The following NDUFAF2 variants were observed in gnomAD, a reference collection of about 807,000 sequenced individuals.
NDUFAF2 encodes NADH dehydrogenase [ubiquinone] 1 alpha subcomplex assembly factor 2.
A neutral mutation model predicts 22.8 loss-of-function variants in NDUFAF2; 13 were observed. The ratio of observed to expected loss-of-function variants is 0.57; its 90% confidence interval spans 0.37 to 0.91. The LOEUF (loss-of-function observed/expected upper bound fraction) is 0.91, where lower values mean the gene tolerates loss of function less well. Ranked by LOEUF, NDUFAF2 falls within the 40% of genes least tolerant of loss-of-function variation. The pLI is 0.01. For synonymous variants in NDUFAF2, 53 were observed against 64.2 expected (o/e 0.83, Z 0.84); for missense variants, 162 against 195.2 (o/e 0.83, Z 1.01).
chr5:60,990,355 G>A (rs1414689308), intron 1 of NDUFAF2, among the ~76,000 whole-genome samples: 1 of 152,086 alleles, frequency 6.6e-6, no homozygotes, highest in Non-Finnish European at 1.5e-5. Flanking sequence ...TTATTGTGAT[G>A]TGATTGTTAC....
intron 1 of NDUFAF2, among the ~76,000 whole-genome samples, chr5:61,031,740 CA>C (rs1751730519): frequency 6.6e-6 from 1 of 152,120 alleles, no homozygotes; most frequent in South Asian, 2.1e-4. Flanking sequence ...AGTATATACA[CA>C]GTAATGGGAT....
chr5:60,994,717 G>C (rs990513403), intron 1 of NDUFAF2, among the ~76,000 whole-genome samples: 2 of 152,012 alleles, frequency 1.3e-5, no homozygotes, highest in Non-Finnish European at 2.9e-5. Flanking sequence ...TCTTGTACTT[G>C]GATACTGATA....
chr5:60,994,875 GT>G (rs1751208541), intron 1 of NDUFAF2, among the ~76,000 whole-genome samples: 1 of 151,892 alleles, frequency 6.6e-6, no homozygotes, highest in African/African-American at 2.4e-5. Flanking sequence ...ATACTTCATT[GT>G]TTTTTATTTT....
chr5:61,102,007 A>G (rs781055346), intron 3 of NDUFAF2, among the ~76,000 whole-genome samples: 44 of 152,128 alleles, frequency 2.9e-4, no homozygotes, highest in Admixed American at 2.9e-3. Flanking sequence ...TTTTTGATCC[A>G]TTAGTTTTGA....
At chr5:60,989,698 A>C (rs1433866811) in intron 1 of NDUFAF2, among the ~76,000 whole-genome samples, 1 of 152,212 alleles carries the variant, frequency 6.6e-6, no homozygotes, top group Non-Finnish European at 1.5e-5. Context: ...GCTAAGTAAC[A>C]ACGCACGTGG....
At chr5:60,958,172 G>A (rs1750641164) in intron 1 of NDUFAF2, among the ~76,000 whole-genome samples, 1 of 152,162 alleles carries the variant, frequency 6.6e-6, no homozygotes, top group Non-Finnish European at 1.5e-5. Flanking sequence ...TCATGTGACA[G>A]ATAGTTATTG....
intron 3 of NDUFAF2, among the ~76,000 whole-genome samples, chr5:61,147,622 C>T (rs1435262977): frequency 2.0e-5 from 3 of 151,334 alleles, no homozygotes; most frequent in African/African-American, 7.3e-5. Flanking sequence ...GCAGTGCAGT[C>T]CAATCCAAAT....
intron 1 of NDUFAF2, among the ~76,000 whole-genome samples, chr5:61,013,067 TA>T (rs1200585596): frequency 8.6e-5 from 13 of 151,582 alleles, no homozygotes; most frequent in Admixed American, 2.6e-4. Context: ...TACCTTGGAA[TA>T]AAAAAAAATT....
chr5:61,059,784 T>G (rs903021639), intron 1 of NDUFAF2, among the ~76,000 whole-genome samples: 2 of 152,094 alleles, frequency 1.3e-5, no homozygotes, highest in Non-Finnish European at 2.9e-5. Context: ...ATAATTGCTT[T>G]AAAAATATTA....
chr5:61,061,047 C>T (rs1752159167), intron 1 of NDUFAF2, among the ~76,000 whole-genome samples: 1 of 152,044 alleles, frequency 6.6e-6, no homozygotes, highest in Non-Finnish European at 1.5e-5. Context: ...GCCACAGGTA[C>T]CTTCAAGAGT....
intron 1 of NDUFAF2, among the ~76,000 whole-genome samples, chr5:61,072,354 G>A (rs1309268725): frequency 6.6e-6 from 1 of 152,190 alleles, no homozygotes; most frequent in Non-Finnish European, 1.5e-5. Flanking sequence ...GTTTGCCAGT[G>A]TATTAGGGAG....
chr5:61,074,552 A>G (rs1168059301), intron 2 of NDUFAF2, among the ~76,000 whole-genome samples: 1 of 151,792 alleles, frequency 6.6e-6, no homozygotes, highest in South Asian at 2.1e-4. Context: ...ACGCCACTGC[A>G]CTCCAGCCTG....
chr5:60,955,253 A>T (rs1310603831), intron 1 of NDUFAF2, among the ~76,000 whole-genome samples: 1 of 152,212 alleles, frequency 6.6e-6, no homozygotes, highest in African/African-American at 2.4e-5. Context: ...ATACAGTGTG[A>T]GATAAGCGTC....
chr5:61,105,234 A>G lies in NDUFAF2; in HGVS notation c.258+6202A>G, dbSNP rs182967940. ...CTTATAGTTTAACATTCAGAGAGGA[A>G]TCTTATTTCTGGATTTTTCAGGCCC... On this transcript the variant is annotated intron_variant, in intron 3 of 3. Coordinates refer to ENST00000296597, the MANE Select transcript of NDUFAF2 (RefSeq NM_174889.5). Among the ~76,000 whole-genome samples the G allele has an allele frequency of 3.3e-5, 5 of 151,334 alleles. No individual in the cohort carries two copies. In the East Asian group the frequency reaches 9.7e-4, roughly 29 times the overall value.
intron 1 of NDUFAF2, among the ~76,000 whole-genome samples, chr5:60,992,884 C>A (rs1751179224): frequency 1.3e-5 from 2 of 152,206 alleles, no homozygotes; most frequent in African/African-American, 4.8e-5. Context: ...GAAAAGTTGG[C>A]TGCCAGACAT....
intron 1 of NDUFAF2, among the ~76,000 whole-genome samples, chr5:61,064,766 A>G (rs561893617): frequency 4.4e-4 from 67 of 152,194 alleles, no homozygotes; most frequent in African/African-American, 1.6e-3. Flanking sequence ...ATTAATGCCT[A>G]TGTTAAAAAG....
intron 3 of NDUFAF2, among the ~76,000 whole-genome samples, chr5:61,107,046 TACACACACACAC>T (rs59521177): frequency 2.3e-4 from 29 of 124,018 alleles, no homozygotes; most frequent in South Asian, 8.2e-4. Context: ...TGGATAAATA[TACACACACACAC>T]ACACACACAC....
At chr5:61,020,008 T>TAGAGAC (rs1422668619) in intron 1 of NDUFAF2, among the ~76,000 whole-genome samples, 1 of 152,168 alleles carries the variant, frequency 6.6e-6, no homozygotes, top group Admixed American at 6.5e-5. Flanking sequence ...GCAGATTCTA[T>TAGAGAC]TTAGTTTCTC....
chr5:60,987,395 A>G (rs1240719769), intron 1 of NDUFAF2, among the ~76,000 whole-genome samples: 1 of 152,222 alleles, frequency 6.6e-6, no homozygotes, highest in East Asian at 1.9e-4. Flanking sequence ...ATTCCAAAAA[A>G]TTGAGAAGGG....
Sources: allele counts gnomAD v4.1 joint callset (sites outside exome capture counted in the v4.1 genomes callset), GRCh38; gene constraint gnomAD v4.1.1; transcripts MANE v1.5; gene names NCBI Gene and HGNC (gene_info 2026-07-23, HGNC 2026-07-21).